Variants in POFUT3 observed in about 807,000 individuals in gnomAD.
POFUT3 encodes GDP-fucose protein O-fucosyltransferase 3.
At chr8:33,468,040 G>C in the POFUT3 span, among the ~76,000 whole-genome samples, 3 of 152,094 alleles carry the variant, frequency 2.0e-5, no homozygotes, top group African/African-American at 4.8e-5. Flanking sequence ...AGGAGTTTGA[G>C]ACCAGCCTGG....
the POFUT3 span, among the ~76,000 whole-genome samples, chr8:33,439,590 G>A: frequency 3.3e-5 from 5 of 152,082 alleles, no homozygotes; most frequent in Admixed American, 1.3e-4. Flanking sequence ...AACTTCAGCC[G>A]GGCGCGGTTG....
At chr8:33,366,883 A>T in the POFUT3 span, among the ~76,000 whole-genome samples, 1 of 151,982 alleles carries the variant, frequency 6.6e-6, no homozygotes, top group South Asian at 2.1e-4. Context: ...GCACTGTGAG[A>T]CTCCTGTTAT....
chr8:33,445,793 T>C, the POFUT3 span, among the ~76,000 whole-genome samples: 1 of 152,002 alleles, frequency 6.6e-6, no homozygotes, highest in African/African-American at 2.4e-5. Flanking sequence ...TGGGAAGCTG[T>C]CCCATATGAC....
At chr8:33,427,711 T>C in the POFUT3 span, among the ~76,000 whole-genome samples, 4 of 152,168 alleles carry the variant, frequency 2.6e-5, no homozygotes, top group African/African-American at 9.6e-5. Flanking sequence ...TCTACCTAAA[T>C]AACTAATTTA....
the POFUT3 span, among the ~76,000 whole-genome samples, chr8:33,344,072 T>C: frequency 1.5e-3 from 233 of 152,296 alleles, 1 homozygote; most frequent in African/African-American, 5.3e-3. Flanking sequence ...CGTTAGTTCG[T>C]TTGTCTTGTT....
At chr8:33,382,986 A>T in the POFUT3 span, among the ~76,000 whole-genome samples, 1 of 152,160 alleles carries the variant, frequency 6.6e-6, no homozygotes, top group African/African-American at 2.4e-5. Flanking sequence ...CCCAAAAGGT[A>T]GAGCAAGTTA....
the POFUT3 span, among the ~76,000 whole-genome samples, chr8:33,346,405 T>G: frequency 6.6e-6 from 1 of 152,118 alleles, no homozygotes; most frequent in East Asian, 1.9e-4. Context: ...TAAATATAAT[T>G]ATCAGATAAC....
At chr8:33,311,986 G>A in the POFUT3 span, among the ~76,000 whole-genome samples, 1 of 152,108 alleles carries the variant, frequency 6.6e-6, no homozygotes, top group Non-Finnish European at 1.5e-5. Context: ...GAGAAATTTG[G>A]CCAGGCATGG....
chr8:33,361,866 C>G, the POFUT3 span, among the ~76,000 whole-genome samples: 18 of 151,806 alleles, frequency 1.2e-4, no homozygotes, highest in South Asian at 4.2e-4. Context: ...ACTCATTGAT[C>G]GATAGCTGTG....
chr8:33,458,943 C>T, the POFUT3 span, among the ~76,000 whole-genome samples: 1 of 152,146 alleles, frequency 6.6e-6, no homozygotes, highest in Non-Finnish European at 1.5e-5. Context: ...TCATTCAATC[C>T]TACACAGAAG....
the POFUT3 span, among the ~76,000 whole-genome samples, chr8:33,330,581 T>G: frequency 6.6e-6 from 1 of 152,182 alleles, no homozygotes; most frequent in Non-Finnish European, 1.5e-5. Flanking sequence ...GGCCTGATAA[T>G]TTACCTATAA....
the POFUT3 span, among the ~76,000 whole-genome samples, chr8:33,395,978 C>T: frequency 6.6e-6 from 1 of 152,212 alleles, no homozygotes; most frequent in Non-Finnish European, 1.5e-5. Context: ...GAGAAGGAAA[C>T]TCTTCCAATT....
chr8:33,425,732 G>A, the POFUT3 span, among the ~76,000 whole-genome samples: 1 of 148,730 alleles, frequency 6.7e-6, no homozygotes, highest in Non-Finnish European at 1.5e-5. Flanking sequence ...CACCAGCCTG[G>A]CCAACATGGT....
At chr8:33,352,625 T>A in the POFUT3 span, among the ~76,000 whole-genome samples, 2 of 152,096 alleles carry the variant, frequency 1.3e-5, no homozygotes, top group African/African-American at 4.8e-5. Context: ...CAGAGACATC[T>A]AGGGGAGAGG....
chr8:33,424,933 G>C, the POFUT3 span, among the ~76,000 whole-genome samples: 1 of 152,214 alleles, frequency 6.6e-6, no homozygotes. Context: ...AGTGAGCAAA[G>C]TGAGCAAAAT....
chr8:33,338,326 T>A, the POFUT3 span, among the ~76,000 whole-genome samples: 9 of 151,984 alleles, frequency 5.9e-5, no homozygotes, highest in African/African-American at 1.9e-4. Context: ...TTTTTTTTTT[T>A]AATTAACACC....
At chr8:33,471,172 A>C in the POFUT3 span, among the ~76,000 whole-genome samples, 2 of 152,222 alleles carry the variant, frequency 1.3e-5, no homozygotes, top group African/African-American at 2.4e-5. Context: ...TAATTGAATT[A>C]GATATTGAAT....
the POFUT3 span, chr8:33,372,816 GA>G: frequency 1.9e-6 from 3 of 1,609,872 alleles, no homozygotes; most frequent in Non-Finnish European, 2.5e-6. Context: ...TGCAGGAAGA[GA>G]AAAGAGAAAT....
At chr8:33,319,887 G>A in the POFUT3 span, among the ~76,000 whole-genome samples, 7 of 147,292 alleles carry the variant, frequency 4.8e-5, no homozygotes, top group Non-Finnish European at 5.9e-5. Flanking sequence ...ATAGCTAGCT[G>A]CACCTGGACT....
Sources: allele counts gnomAD v4.1 joint callset (sites outside exome capture counted in the v4.1 genomes callset), GRCh38; gene constraint gnomAD v4.1.1; transcripts MANE v1.5; gene names NCBI Gene and HGNC (gene_info 2026-07-23, HGNC 2026-07-21).